The following BMP2K variants were observed in gnomAD, a reference collection of about 807,000 sequenced individuals.
BMP2K encodes BMP2 inducible kinase.
A neutral mutation model predicts 116.0 loss-of-function variants in BMP2K; 74 were observed. The ratio of observed to expected loss-of-function variants is 0.64; its 90% CI spans 0.53 to 0.77. The LOEUF (loss-of-function observed/expected upper bound fraction) is 0.77. Among genes scored for constraint, BMP2K ranks in the 30% least tolerant of loss-of-function variants. The pLI, the probability that BMP2K is intolerant of heterozygous loss-of-function variation, is 0.00. For synonymous variants in BMP2K, 486 were observed against 502.5 expected, an observed-to-expected ratio of 0.97 and a Z score of 0.44; for missense variants, 1,365 against 1,403.6, an observed-to-expected ratio of 0.97 and a Z score of 0.44.
intron 15 of BMP2K, among the ~76,000 whole-genome samples, chr4:78,908,045 A>G (rs983583057): frequency 2.6e-5 from 4 of 152,216 alleles, no homozygotes; most frequent in Admixed American, 6.5e-5. Context: ...TTTGTTTTTA[A>G]TATCATAAAT....
chr4:78,901,070 T>G (rs370443767), intron 15 of BMP2K, among the ~76,000 whole-genome samples: 11 of 152,106 alleles, frequency 7.2e-5, no homozygotes, highest in African/African-American at 2.7e-4. Flanking sequence ...GAGATAAGAG[T>G]CTTGCTCTGT....
At chr4:78,803,691 A>G (rs1728681480) in intron 1 of BMP2K, among the ~76,000 whole-genome samples, 1 of 152,126 alleles carries the variant, frequency 6.6e-6, no homozygotes, top group African/African-American at 2.4e-5. Context: ...TTACTTTTTA[A>G]TAGGAATGCC....
At chr4:78,823,816 A>C (rs896015060) in intron 1 of BMP2K, among the ~76,000 whole-genome samples, 12 of 152,070 alleles carry the variant, frequency 7.9e-5, no homozygotes, top group African/African-American at 2.9e-4. Flanking sequence ...ATCTAGACCT[A>C]GATAGATAAA....
rs114049642 is a variant in BMP2K at position 78,784,542 on chromosome 4, A to G, written c.178+7821A>G. On this transcript the variant is annotated intron_variant, in intron 1 of 15. Coordinates refer to ENST00000502613, the MANE Select transcript of BMP2K (RefSeq NM_198892.2). ...CTTTACAAATGAGGTCAGTCAGCAC[A>G]TGTCTGCTAACTGTTTCAAAAGTCT... is the stretch of plus-strand genomic sequence containing the variant. Among the ~76,000 whole-genome samples, 943 of 152,354 alleles carry G rather than the reference A, an allele frequency of 6.2e-3. 13 individuals are homozygous for G. The highest frequency in any genetic ancestry group is 0.022 in the African/African-American group (897 of 41,582).
chr4:78,777,661 A>G (rs369063025), intron 1 of BMP2K, among the ~76,000 whole-genome samples: 1 of 152,334 alleles, frequency 6.6e-6, no homozygotes, highest in East Asian at 1.9e-4. Flanking sequence ...TTGTTGATAA[A>G]TGGCCCTTTT....
intron 6 of BMP2K, among the ~76,000 whole-genome samples, chr4:78,848,058 GA>G (rs1424963721): frequency 2.0e-5 from 3 of 151,608 alleles, no homozygotes; most frequent in Middle Eastern, 3.4e-3. Context: ...GTAATGTGTA[GA>G]AACCAAATGA....
rs552174447 is a variant in BMP2K, at chr4:78,836,371, C to G, written c.403+2684C>G. 3.4e-4 allele frequency among the ~76,000 whole-genome samples: 51 copies of G among 151,636 alleles called. No individual in the cohort carries two copies. In the South Asian group the frequency reaches 4.8e-3, roughly 14 times the overall value. ...GGTGGAGGTTGCAGTGAGCCAAGATCGCTCCACTGCACTCCAGCCTGGGCA... is the reference window on the plus strand; with the variant it reads ...GGTGGAGGTTGCAGTGAGCCAAGATGGCTCCACTGCACTCCAGCCTGGGCA... On this transcript the variant is annotated intron_variant, in intron 3 of 15. Transcript: ENST00000502613.
At chr4:78,803,563 G>C (rs936151155) in intron 1 of BMP2K, among the ~76,000 whole-genome samples, 2 of 151,986 alleles carry the variant, frequency 1.3e-5, no homozygotes, top group African/African-American at 4.8e-5. Context: ...ATTTTTAGTA[G>C]AGATGGGGTT....
chr4:78,902,824 A>G (rs1734080068), intron 15 of BMP2K, among the ~76,000 whole-genome samples: 1 of 152,090 alleles, frequency 6.6e-6, no homozygotes, highest in Admixed American at 6.6e-5. Context: ...CTCTCTTCAT[A>G]TTGGATATTT....
chr4:78,804,450 CTAGGAG>C (rs1472619533), intron 1 of BMP2K, among the ~76,000 whole-genome samples: 1 of 151,996 alleles, frequency 6.6e-6, no homozygotes, highest in East Asian at 1.9e-4. Flanking sequence ...CACTTGATAC[CTAGGAG>C]TAGATTTTCT....
At position 78,826,059 on chromosome 4, in the gene BMP2K, C is replaced by T. The variant is rs767495029; in HGVS notation, c.201C>T (p.Leu67=). 4.0e-5 allele frequency: 65 copies of T among 1,613,508 alleles called. 1 individual carries two copies. In the South Asian group the frequency reaches 5.1e-4, roughly 13 times the overall value. ...TAGGTGGATTCTCCACAGTTTTCCT[C>T]GTGCGTACTCACGGTGGAATCCGAT... ...LAEGGFSTVF[L]VRTHGGIRCA... is the part of the protein sequence containing the mutation. The change falls in exon 2 of 16, where the codon CTC becomes CTT. Residue 67 remains leucine, a synonymous_variant. Transcript: ENST00000502613.
At chr4:78,848,457 A>G (rs1415210859) in intron 6 of BMP2K, among the ~76,000 whole-genome samples, 1 of 151,452 alleles carries the variant, frequency 6.6e-6, no homozygotes, top group Non-Finnish European at 1.5e-5. Context: ...AGAGGTGATT[A>G]TGGAGGTCTT....
rs916759082 is a variant in BMP2K, at chr4:78,872,752, C to T, written c.1747C>T (p.Pro583Ser). Residue 583 changes from proline (P) to serine (S), a missense_variant, in exon 13 of 16, where the codon CCA becomes TCA. Physicochemically the swap from Pro to Ser is moderately conservative, Grantham distance 74. This residue lies in a region of BMP2K where 762 missense variants were observed against 756.7 expected (regional missense o/e 1.01). Coordinates refer to ENST00000502613, the MANE Select transcript of BMP2K (RefSeq NM_198892.2). ...PALVSYTSSLPAQVGTIMDSS... is the reference protein window; with the variant it reads ...PALVSYTSSLSAQVGTIMDSS... Reference sequence around the variant, plus strand: ...CTTAGTTTCCTACACTTCATCACTTCCAGCTCAGGTTGGAACCATAATGGA... The same window carrying T: ...CTTAGTTTCCTACACTTCATCACTTTCAGCTCAGGTTGGAACCATAATGGA... 17 of 1,614,134 alleles carry T rather than the reference C, an allele frequency of 1.1e-5. No individual in the cohort carries two copies. The Middle Eastern group carries it at 5.0e-4, about 47-fold the overall frequency.
At chr4:78,897,436 T>C (rs1283238036) in intron 15 of BMP2K, among the ~76,000 whole-genome samples, 1 of 151,576 alleles carries the variant, frequency 6.6e-6, no homozygotes, top group Non-Finnish European at 1.5e-5. Context: ...GTGTCTCTGC[T>C]ATAATTGAAT....
rs1264380112 is a variant in BMP2K, at chr4:78,887,226, T to C, written c.2004T>C (p.Ala668=). The part of the protein sequence containing the change: ...SSDKNVDSLS[A]PHNHPPEDPF... ...ATAAGAATGTAGACTCACTTTCTGCTCCACATAACCATCCTCCAGAAGATC... is the reference window on the plus strand; with the variant it reads ...ATAAGAATGTAGACTCACTTTCTGCCCCACATAACCATCCTCCAGAAGATC... Residue 668 remains alanine, a synonymous_variant, in exon 15 of 16, where the codon GCT becomes GCC. Transcript: ENST00000502613. 3.7e-6 allele frequency: 6 copies of C among 1,611,972 alleles called. No homozygotes were observed. Among genetic ancestry groups the C allele is most frequent in the Non-Finnish European group, 5.1e-6 (6 of 1,179,124 alleles).
intron 13 of BMP2K, among the ~76,000 whole-genome samples, chr4:78,874,756 A>G (rs1560540622): frequency 6.6e-6 from 1 of 152,198 alleles, no homozygotes; most frequent in Non-Finnish European, 1.5e-5. Flanking sequence ...ATATCCAAGG[A>G]TTTGAGGCAT....
chr4:78,833,492 T>C (rs1458260747), intron 2 of BMP2K, 90 bp from the exon 3 acceptor site: 3 of 853,592 alleles, frequency 3.5e-6, no homozygotes, highest in East Asian at 5.3e-5. Flanking sequence ...CCTTTTGAAA[T>C]TCTTTACATT....
chr4:78,795,547 TTAAAC>T (rs1728214820), intron 1 of BMP2K, among the ~76,000 whole-genome samples: 3 of 152,040 alleles, frequency 2.0e-5, no homozygotes, highest in Admixed American at 6.5e-5. Flanking sequence ...TGGGATCTAA[TTAAAC>T]TAAAGAGCTT....
intron 1 of BMP2K, among the ~76,000 whole-genome samples, chr4:78,825,760 A>G (rs1004857140): frequency 2.0e-5 from 3 of 152,252 alleles, no homozygotes; most frequent in African/African-American, 4.8e-5. Flanking sequence ...ATTTTTCACT[A>G]TACTACATAA....
Sources: allele counts gnomAD v4.1 joint callset (sites outside exome capture counted in the v4.1 genomes callset), GRCh38; gene constraint gnomAD v4.1.1; regional missense constraint gnomAD v4.1.1; transcripts MANE v1.5; gene names NCBI Gene and HGNC (gene_info 2026-07-23, HGNC 2026-07-21).